The following ABHD17B variants were observed in gnomAD, a reference collection of about 807,000 sequenced individuals.
ABHD17B encodes abhydrolase domain containing 17B, depalmitoylase.
A neutral mutation model predicts 26.2 loss-of-function variants in ABHD17B; 9 were observed. The observed-to-expected ratio is 0.34, with a 90% CI of 0.21 to 0.60. The LOEUF is 0.60. ABHD17B is among the 20% of genes least tolerant of loss of function. The probability of loss-of-function intolerance (pLI) is 0.80; values close to 1 mark genes in which losing one functional copy is unlikely to be tolerated. For missense variants in ABHD17B, 224 were observed against 352.1 expected (o/e 0.64, Z 2.91); for synonymous variants, 127 against 122.3 (o/e 1.04, Z -0.25).
At chr9:71,874,572 AAC>A (rs1216414241) in intron 2 of ABHD17B, 40 bp downstream of exon 2, 25 of 1,478,334 alleles carry the variant, frequency 1.7e-5, no homozygotes, top group Middle Eastern at 1.8e-4. Context: ...ATTTTTAGCT[AAC>A]CACCACGAGT....
At chr9:71,898,829 C>G (rs919174206) in intron 1 of ABHD17B, among the ~76,000 whole-genome samples, 3 of 152,110 alleles carry the variant, frequency 2.0e-5, no homozygotes, top group Admixed American at 6.5e-5. Context: ...AAAACTCTGT[C>G]TCTACCAAAA....
Position 71,906,819 on chromosome 9 carries a change from C to A in ABHD17B, c.-4+3815G>T, listed in dbSNP as rs76836280. On this transcript the variant is annotated intron_variant, in intron 1 of 3. Transcript: ENST00000333421. ...CATTATTAAAAAACAAACAAACAAA[C>A]AAAAAAAAAAACAGCATCTGCATCA... 2.1e-3 allele frequency among the ~76,000 whole-genome samples: 315 copies of A among 148,208 alleles called. 5 individuals are homozygous for A. In the South Asian group the frequency reaches 0.029, roughly 14 times the overall value.
rs776895458 is a variant in ABHD17B, at chr9:71,866,892, C to T, written c.762G>A (p.Val254=). 3.1e-6 allele frequency: 5 copies of T among 1,614,020 alleles called. No homozygotes were observed. In the African/African-American group the frequency reaches 6.7e-5, roughly 22 times the overall value. ...LALFERCQRP[V]EPLWVEGAGH... is the part of the protein sequence containing the mutation. ...CTGCTCCTTCAACCCAGAGAGGCTC[C>T]ACAGGTCTTTGGCAACGTTCAAACA... Residue 254 remains valine (V), a synonymous_variant, in exon 4 of 4, where the codon GTG becomes GTA. Transcript: ENST00000333421.
At chr9:71,870,872 A>C (rs1314856016) in intron 2 of ABHD17B, among the ~76,000 whole-genome samples, 3 of 152,220 alleles carry the variant, frequency 2.0e-5, no homozygotes, top group African/African-American at 7.2e-5. Context: ...TCCAAACACC[A>C]CATGGTCCAA....
At chr9:71,902,273 T>C (rs1313061342) in intron 1 of ABHD17B, among the ~76,000 whole-genome samples, 1 of 152,182 alleles carries the variant, frequency 6.6e-6, no homozygotes, top group Non-Finnish European at 1.5e-5. Flanking sequence ...TTTGGGTGCA[T>C]GTGTATGAAC....
intron 3 of ABHD17B, 81 bp downstream of exon 3, chr9:71,870,002 G>T: frequency 1.6e-6 from 2 of 1,260,404 alleles, no homozygotes; most frequent in South Asian, 1.5e-5. Flanking sequence ...ATGGTTGAGT[G>T]AACTGTGTCA....
chr9:71,866,287 T>C lies in ABHD17B; in HGVS notation c.*500A>G. 1 of 988,048 alleles carries C rather than the reference T, an allele frequency of 1.0e-6. No homozygotes were observed. Among genetic ancestry groups the C allele is most frequent in the Non-Finnish European group, 1.2e-6 (1 of 831,022 alleles). 61.2% of individuals were successfully genotyped at this position (988,048 alleles called of 1,614,324 possible). A position where few individuals can be genotyped will look rare whatever the true frequency, so the allele number is the denominator to read the frequency against. ...AAATAACTTTAAACCTCTATCCCTGTACAACAGGGTTTAGGTTAATTCTAG... is the reference window on the plus strand; with the variant it reads ...AAATAACTTTAAACCTCTATCCCTGCACAACAGGGTTTAGGTTAATTCTAG... On this transcript the variant is annotated 3_prime_UTR_variant, in exon 4 of 4. Transcript: ENST00000333421.
intron 1 of ABHD17B, among the ~76,000 whole-genome samples, chr9:71,908,270 T>G (rs1827343281): frequency 6.6e-6 from 1 of 151,186 alleles, no homozygotes; most frequent in South Asian, 2.1e-4. Flanking sequence ...CGGGTGCCCG[T>G]AATCCCAGCT....
chr9:71,896,078 A>G (rs761100440), intron 1 of ABHD17B, among the ~76,000 whole-genome samples: 2 of 152,204 alleles, frequency 1.3e-5, no homozygotes, highest in African/African-American at 2.4e-5. Context: ...TCTATTCAGA[A>G]AGCTAAAAGA....
At chr9:71,907,161 G>A (rs1250534980) in intron 1 of ABHD17B, among the ~76,000 whole-genome samples, 1 of 151,904 alleles carries the variant, frequency 6.6e-6, no homozygotes, top group Non-Finnish European at 1.5e-5. Context: ...GCAAACAAAT[G>A]GAAACAACAA....
chr9:71,871,090 T>C (rs1348497729), intron 2 of ABHD17B, among the ~76,000 whole-genome samples: 2 of 152,212 alleles, frequency 1.3e-5, no homozygotes, highest in Admixed American at 6.5e-5. Flanking sequence ...CTACCTGAGC[T>C]AATGAATGTG....
chr9:71,907,700 G>A (rs528983258), intron 1 of ABHD17B, among the ~76,000 whole-genome samples: 44 of 152,132 alleles, frequency 2.9e-4, no homozygotes, highest in African/African-American at 9.9e-4. Flanking sequence ...TAGTAGAGAC[G>A]GGGTTTCTCC....
chr9:71,877,985 C>T (rs371170346), intron 1 of ABHD17B, among the ~76,000 whole-genome samples: 2 of 152,072 alleles, frequency 1.3e-5, no homozygotes, highest in African/African-American at 4.8e-5. Context: ...TAATAAGAGG[C>T]CTGGTATAGG....
intron 1 of ABHD17B, among the ~76,000 whole-genome samples, chr9:71,880,684 A>C (rs932928742): frequency 6.6e-6 from 1 of 152,110 alleles, no homozygotes; most frequent in East Asian, 1.9e-4. Context: ...TAGTTAAAAA[A>C]ATTATAAATA....
At chr9:71,903,494 C>T (rs1295562967) in intron 1 of ABHD17B, among the ~76,000 whole-genome samples, 1 of 152,178 alleles carries the variant, frequency 6.6e-6, no homozygotes, top group East Asian at 1.9e-4. Context: ...AATTAGCAAC[C>T]TCAGTTCCTT....
chr9:71,899,535 G>T (rs182114591), intron 1 of ABHD17B, among the ~76,000 whole-genome samples: 1 of 152,118 alleles, frequency 6.6e-6, no homozygotes, highest in Non-Finnish European at 1.5e-5. Context: ...GGGATCCCAC[G>T]GACCCTGTTA....
chr9:71,898,815 T>A (rs896284934), intron 1 of ABHD17B, among the ~76,000 whole-genome samples: 3 of 152,110 alleles, frequency 2.0e-5, no homozygotes, highest in African/African-American at 7.2e-5. Flanking sequence ...CTGGGCAACA[T>A]TGCAAAACTC....
Position 71,893,041 on chromosome 9 carries a change from T to C in ABHD17B, c.-4+17593A>G, listed in dbSNP as rs565295696. ...TGGAATTATACAATATTTGTCCTTT[T>C]GTGACAGGCTTATTTCATTGTAGCA... is the stretch of plus-strand genomic sequence containing the variant. On this transcript the variant is annotated intron_variant, in intron 1 of 3. Transcript: ENST00000333421. Among the ~76,000 whole-genome samples the C allele has an allele frequency of 1.7e-4, 26 of 152,246 alleles. 1 individual carries two copies. The highest frequency in any genetic ancestry group is 6.2e-4 in the South Asian group (3 of 4,830).
chr9:71,867,579 G>A (rs1027060774), intron 3 of ABHD17B, among the ~76,000 whole-genome samples: 4 of 152,246 alleles, frequency 2.6e-5, no homozygotes, highest in African/African-American at 7.2e-5. Flanking sequence ...AGTGATGAAC[G>A]AAACCAATTT....
Sources: gnomAD v4.1 joint callset for allele counts (sites outside exome capture counted in the v4.1 genomes callset) on GRCh38, gnomAD v4.1.1 for gene constraint, MANE v1.5 for transcripts, NCBI Gene and HGNC (gene_info 2026-07-23, HGNC 2026-07-21) for gene names.